The following MMP26 variants were observed in gnomAD, a reference collection of about 807,000 sequenced individuals.
The protein encoded by MMP26 is matrix metallopeptidase 26.
In MMP26, 33 loss-of-function variants were observed where a neutral mutation model predicts 31.0. The ratio of observed to expected loss-of-function variants is 1.06; its 90% CI spans 0.81 to 1.42. The LOEUF is 1.42. MMP26 is among the 40% of genes most tolerant of loss of function. The pLI is 0.00. For missense variants in MMP26, 347 were observed against 316.1 expected (o/e 1.10, Z -0.74); for synonymous variants, 122 against 114.9 (o/e 1.06, Z -0.40).
intron 2 of MMP26, among the ~76,000 whole-genome samples, chr11:4,970,094 C>T (rs1227846436): frequency 1.3e-5 from 2 of 152,014 alleles, no homozygotes; most frequent in Non-Finnish European, 2.9e-5. Flanking sequence ...AGATCTTATA[C>T]GTTTCATTTT....
chr11:4,918,405 G>T (rs1851130889), intron 2 of MMP26, among the ~76,000 whole-genome samples: 1 of 152,116 alleles, frequency 6.6e-6, no homozygotes, highest in South Asian at 2.1e-4. Flanking sequence ...ATTGGAACTT[G>T]TGCTTCAGAT....
At chr11:4,793,114 C>A (rs1849054150) in intron 2 of MMP26, among the ~76,000 whole-genome samples, 1 of 152,154 alleles carries the variant, frequency 6.6e-6, no homozygotes, top group Admixed American at 6.5e-5. Context: ...GTATCTACAA[C>A]AAGACTATTT....
chr11:4,935,562 C>G (rs1366487173), intron 2 of MMP26, among the ~76,000 whole-genome samples: 2 of 151,716 alleles, frequency 1.3e-5, no homozygotes, highest in Admixed American at 6.6e-5. Flanking sequence ...ATTGAATACC[C>G]TTTATTTCCT....
Position 4,946,138 on chromosome 11 carries a change from G to A in MMP26, c.-144-41930G>A, listed in dbSNP as rs771877041. On this transcript the variant is annotated intron_variant, in intron 2 of 7. Coordinates refer to ENST00000380390, the MANE Select transcript of MMP26 (RefSeq NM_021801.5). The stretch of plus-strand genomic sequence containing the variant: ...TAAATATCTTACCAGACATTTCCAG[G>A]TTTTCTGTCACATATGACTGTTAAA... The A allele has an allele frequency of 2.5e-6, 4 of 1,600,356 alleles. No homozygotes were observed. In the Admixed American group the frequency reaches 5.0e-5, roughly 20 times the overall value.
intron 1 of MMP26, among the ~76,000 whole-genome samples, chr11:4,760,602 T>C (rs754782960): frequency 1.7e-4 from 26 of 152,204 alleles, no homozygotes; most frequent in Non-Finnish European, 3.1e-4. Context: ...GCATCATTAA[T>C]AGGCTGTGAC....
intron 1 of MMP26, among the ~76,000 whole-genome samples, chr11:4,717,530 T>C (rs1448742964): frequency 1.3e-5 from 2 of 152,010 alleles, no homozygotes; most frequent in African/African-American, 4.8e-5. Flanking sequence ...CATGTTGTTT[T>C]TTTTTTTTCT....
chr11:4,915,166 A>G (rs1851060497), intron 2 of MMP26: 1 of 1,613,976 alleles, frequency 6.2e-7, no homozygotes, highest in African/African-American at 1.3e-5. Flanking sequence ...TTTTGAGCAT[A>G]AAAGGTAATG....
intron 2 of MMP26, among the ~76,000 whole-genome samples, chr11:4,897,483 C>T (rs1385940363): frequency 2.0e-5 from 3 of 152,146 alleles, no homozygotes; most frequent in Non-Finnish European, 4.4e-5. Flanking sequence ...TAATTGGGGT[C>T]ATACTATTAT....
chr11:4,782,436 T>C (rs752033538), intron 2 of MMP26, among the ~76,000 whole-genome samples: 3 of 152,140 alleles, frequency 2.0e-5, no homozygotes, highest in Admixed American at 6.5e-5. Context: ...GAGGAAGAAA[T>C]TTCTAAGCAG....
At chr11:4,742,356 G>A (rs980143551) in intron 1 of MMP26, among the ~76,000 whole-genome samples, 13 of 152,236 alleles carry the variant, frequency 8.5e-5, no homozygotes, top group South Asian at 4.2e-4. Context: ...CTCCTTTTGC[G>A]GAATAAGGAA....
intron 2 of MMP26, among the ~76,000 whole-genome samples, chr11:4,924,696 C>G (rs1343332773): frequency 2.6e-5 from 4 of 152,054 alleles, no homozygotes; most frequent in Non-Finnish European, 4.4e-5. Flanking sequence ...GGCAGTTAAG[C>G]CAGGACTGGA....
At chr11:4,908,193 T>C in intron 2 of MMP26, 2 of 1,614,202 alleles carry the variant, frequency 1.2e-6, no homozygotes, top group South Asian at 2.2e-5. Context: ...GTGATCCTTA[T>C]TGCAGATATG....
chr11:4,716,804 C>CGT (rs754905060), intron 1 of MMP26, among the ~76,000 whole-genome samples: 14 of 151,592 alleles, frequency 9.2e-5, no homozygotes, highest in Non-Finnish European at 5.9e-5. Flanking sequence ...TGGGATTACA[C>CGT]GTGTGTGCCA....
At chr11:4,711,255 T>G (rs926462400) in intron 1 of MMP26, 2 of 152,154 alleles carry the variant, frequency 1.3e-5, no homozygotes, top group Non-Finnish European at 2.9e-5. Flanking sequence ...CTGATACAAA[T>G]ATAAATTACA....
chr11:4,947,619 G>T (rs1355174276), intron 2 of MMP26: 1 of 126,944 alleles, frequency 7.9e-6, no homozygotes, highest in African/African-American at 2.7e-5. Context: ...AGGTATTGTT[G>T]AACTTGTCCA....
intron 2 of MMP26, among the ~76,000 whole-genome samples, chr11:4,921,469 G>A (rs1851183714): frequency 6.6e-6 from 1 of 152,268 alleles, no homozygotes; most frequent in African/African-American, 2.4e-5. Context: ...GCCAAAGGCT[G>A]ATGGCTTCAT....
At chr11:4,710,396 G>A in intron 1 of MMP26, 1 of 456,948 alleles carries the variant, frequency 2.2e-6, no homozygotes, top group Non-Finnish European at 4.4e-6. Context: ...TTGTGCACAT[G>A]CTCATTGCCA....
intron 2 of MMP26, chr11:4,908,543 A>C (rs746873932): frequency 1.5e-5 from 8 of 537,648 alleles, no homozygotes; most frequent in Non-Finnish European, 2.7e-5. Flanking sequence ...GAAGGAAAAT[A>C]CTTCTGTGAT....
At chr11:4,959,882 T>C (rs1846497165) in intron 2 of MMP26, among the ~76,000 whole-genome samples, 1 of 152,190 alleles carries the variant, frequency 6.6e-6, no homozygotes, top group African/African-American at 2.4e-5. Flanking sequence ...TGAGTGTGTA[T>C]GTGTATTCAT....
Sources: gnomAD v4.1 joint callset for allele counts (sites outside exome capture counted in the v4.1 genomes callset) on GRCh38, gnomAD v4.1.1 for gene constraint, MANE v1.5 for transcripts, NCBI Gene and HGNC (gene_info 2026-07-23, HGNC 2026-07-21) for gene names.